FOLH1: variants seen among roughly 807,000 people sequenced by gnomAD.
FOLH1 encodes glutamate carboxypeptidase 2.
In FOLH1, 54 loss-of-function variants were observed where a neutral mutation model predicts 93.9. The ratio of observed to expected loss-of-function variants is 0.57; its 90% CI spans 0.46 to 0.72. The LOEUF (loss-of-function observed/expected upper bound fraction) is 0.72, where lower values mean the gene tolerates loss of function less well. FOLH1 is among the 30% of genes least tolerant of loss of function. FOLH1 has a pLI of 0.00. For synonymous variants in FOLH1, 249 were observed against 303.6 expected, an observed-to-expected ratio of 0.82 and a Z score of 1.87; for missense variants, 571 against 892.5, an observed-to-expected ratio of 0.64 and a Z score of 4.59.
rs760423374 is a variant in FOLH1 at position 49,154,324 on chromosome 11, G to A, written c.1792C>T (p.Arg598Ter). 22 of 1,613,140 alleles carry A rather than the reference G, an allele frequency of 1.4e-5. No individual in the cohort carries two copies. The highest frequency in any genetic ancestry group is 1.7e-5 in the Non-Finnish European group (20 of 1,179,600). ...ANSIVLPFDCRDYAVVLRKYA... is the reference protein window; with the variant it reads ...ANSIVLPFDC ...TTTCTTAAAACTACAGCATAATCTCGACAATCAAAAGGGAGCACTATGGAA... is the reference window on the plus strand; with the variant it reads ...TTTCTTAAAACTACAGCATAATCTCAACAATCAAAAGGGAGCACTATGGAA... Residue 598 changes from arginine (R) to a stop codon, truncating the protein, a stop_gained, in exon 16 of 19, where the codon CGA (arginine) becomes TGA (stop). Coordinates refer to ENST00000256999, the MANE Select transcript of FOLH1 (RefSeq NM_004476.3). LOFTEE classifies it high-confidence loss of function.
At chr11:49,148,446 CAAAA>C (rs1457290886) in intron 18 of FOLH1, among the ~76,000 whole-genome samples, 189 bp downstream of exon 18, 1 of 151,020 alleles carries the variant, frequency 6.6e-6, no homozygotes, top group African/African-American at 2.4e-5. Flanking sequence ...CAAAGATACT[CAAAA>C]TAAAGATATG....
intron 3 of FOLH1, among the ~76,000 whole-genome samples, chr11:49,198,559 T>C (rs1822982663): frequency 6.6e-6 from 1 of 152,132 alleles, no homozygotes; most frequent in African/African-American, 2.4e-5. Flanking sequence ...TTCTCAAATT[T>C]GATAGATCAA....
In FOLH1 at chr11:49,189,173, TA is replaced by T. The variant is rs368576838; in HGVS notation, c.514-2405del. 5.3e-5 allele frequency among the ~76,000 whole-genome samples: 8 copies of T among 152,258 alleles called. No individual in the cohort carries two copies. In the South Asian group the frequency reaches 1.7e-3, roughly 32 times the overall value. The stretch of plus-strand genomic sequence containing the variant: ...GACCTCACGACAGGCTAGCTTTCAA[TA>T]CCATGAAAAAGCGCACAGGGTAATT... On this transcript the variant is annotated intron_variant, in intron 4 of 18. Coordinates refer to ENST00000256999, the MANE Select transcript of FOLH1 (RefSeq NM_004476.3).
At chr11:49,201,412 T>G (rs1184954976) in intron 2 of FOLH1, among the ~76,000 whole-genome samples, 1 of 150,492 alleles carries the variant, frequency 6.6e-6, no homozygotes, top group Non-Finnish European at 1.5e-5. Context: ...AGTTTCAAGT[T>G]TCATTCTACC....
Position 49,169,186 on chromosome 11 carries a change from G to A in FOLH1, c.1372+9C>T, listed in dbSNP as rs779171479. ...TCACATCTTTTCTTATGAGACCAAC[G>A]ATATTCACCTTCTATAGATGAGTCA... On this transcript the variant is annotated intron_variant, in intron 12 of 18. Coordinates refer to ENST00000256999, the MANE Select transcript of FOLH1 (RefSeq NM_004476.3). The A allele has an allele frequency of 1.7e-5, 28 of 1,612,144 alleles. No individual in the cohort carries two copies. The South Asian group carries it at 2.2e-4, about 13-fold the overall frequency.
At chr11:49,165,856 C>T (rs942592182) in intron 12 of FOLH1, among the ~76,000 whole-genome samples, 2 of 152,134 alleles carry the variant, frequency 1.3e-5, no homozygotes, top group Admixed American at 6.5e-5. Flanking sequence ...TAAATATGTA[C>T]AAACAGCCAA....
chr11:49,182,328 CAAAAAAAA>C (rs59966842), intron 7 of FOLH1, among the ~76,000 whole-genome samples: 5 of 59,978 alleles, frequency 8.3e-5, no homozygotes, highest in African/African-American at 2.9e-4. Context: ...GACACTGTCT[CAAAAAAAA>C]AAAAAAAAAA....
chr11:49,191,228 G>A (rs1168999246), intron 4 of FOLH1, among the ~76,000 whole-genome samples: 1 of 152,268 alleles, frequency 6.6e-6, no homozygotes, highest in African/African-American at 2.4e-5. Flanking sequence ...TAGCTAGGAT[G>A]GTCTGGATCT....
At chr11:49,162,291 A>G (rs1325022777) in intron 13 of FOLH1, among the ~76,000 whole-genome samples, 3 of 151,928 alleles carry the variant, frequency 2.0e-5, no homozygotes, top group South Asian at 4.2e-4. Flanking sequence ...CTCTTCACAT[A>G]ATCACATATT....
rs1445104708 is a variant in FOLH1 at position 49,173,459 on chromosome 11, C to G, written c.1123G>C (p.Gly375Arg). The change falls in exon 10 of 19, where the codon GGA (glycine) becomes CGA (arginine). Residue 375 changes from glycine (G) to arginine (R), a missense_variant. Physicochemically the swap from Gly to Arg is moderately radical, Grantham distance 125 (BLOSUM62 -2). Around this residue, in one of 2 missense-constraint regions of FOLH1, gnomAD observed 500 missense variants for 822.9 expected, o/e 0.61. Transcript: ENST00000256999. ...AVEPDRYVIL[G>R]GHRDSWVFGG... ...AACACCCATGAGTCCCGGTGACCTC[C>G]CAGAATGACATATCTGTCTAGAAAG... The G allele has an allele frequency of 1.9e-6, 3 of 1,606,258 alleles. No individual in the cohort carries two copies. The highest frequency in any genetic ancestry group is 2.6e-6 in the Non-Finnish European group (3 of 1,175,222).
chr11:49,184,668 C>T (rs1861174135), intron 6 of FOLH1, among the ~76,000 whole-genome samples: 1 of 152,124 alleles, frequency 6.6e-6, no homozygotes, highest in Non-Finnish European at 1.5e-5. Flanking sequence ...ATACTCTTTA[C>T]AGGAGTCTAC....
intron 17 of FOLH1, 60 bp downstream of exon 17, chr11:49,153,786 C>T: frequency 4.5e-6 from 5 of 1,119,716 alleles, no homozygotes; most frequent in Non-Finnish European, 6.0e-6. Flanking sequence ...TGTTAGTTTA[C>T]TTTTAAATAT....
intron 4 of FOLH1, among the ~76,000 whole-genome samples, chr11:49,189,285 C>T (rs745844448): frequency 6.6e-6 from 1 of 152,120 alleles, no homozygotes; most frequent in Non-Finnish European, 1.5e-5. Flanking sequence ...ACCCCTGTCC[C>T]AGATGATTTC....
intron 17 of FOLH1, among the ~76,000 whole-genome samples, chr11:49,149,106 T>A (rs1193545507): frequency 6.6e-6 from 1 of 151,396 alleles, no homozygotes; most frequent in Admixed American, 6.6e-5. Context: ...CACCAGGGCC[T>A]GTCGTGGGGT....
At chr11:49,185,878 T>G (rs1391536001) in intron 5 of FOLH1, 23 bp from the exon 6 acceptor site, 1 of 1,506,192 alleles carries the variant, frequency 6.6e-7, no homozygotes, top group East Asian at 2.4e-5. Flanking sequence ...GTGTCTTTCT[T>G]TCCTTATTTT....
chr11:49,158,188 A>G (rs1339241821), intron 13 of FOLH1, 145 bp from the exon 14 acceptor site: 1 of 556,364 alleles, frequency 1.8e-6, no homozygotes, highest in African/African-American at 1.9e-5. Context: ...ATCAAGAATT[A>G]TAAGTTTCTG....
intron 3 of FOLH1, among the ~76,000 whole-genome samples, chr11:49,193,320 C>T (rs891256359): frequency 1.3e-5 from 2 of 152,160 alleles, no homozygotes; most frequent in African/African-American, 4.8e-5. Flanking sequence ...GGCATACATA[C>T]TAAGCTAGTG....
intron 4 of FOLH1, among the ~76,000 whole-genome samples, chr11:49,189,122 T>C (rs953644607): frequency 2.6e-5 from 4 of 152,140 alleles, no homozygotes; most frequent in Admixed American, 6.5e-5. Flanking sequence ...TAAAATAAGA[T>C]GAAAATGCTT....
intron 7 of FOLH1, among the ~76,000 whole-genome samples, chr11:49,177,049 C>G (rs202713): frequency 0.18 from 27,619 of 152,172 alleles, 2,933 homozygotes; most frequent in African/African-American, 0.28. Flanking sequence ...TACACGGGTG[C>G]TTGTTCCCTG....
Sources: gnomAD v4.1 joint callset for allele counts (sites outside exome capture counted in the v4.1 genomes callset) on GRCh38, gnomAD v4.1.1 for gene constraint, gnomAD v4.1.1 regional missense constraint, MANE v1.5 for transcripts, NCBI Gene and HGNC (gene_info 2026-07-23, HGNC 2026-07-21) for gene names.